Variants in EFCAB5 observed in about 807,000 individuals in gnomAD.
EFCAB5 encodes EF-hand calcium-binding domain-containing protein 5.
In EFCAB5, 131 loss-of-function variants were observed where a neutral mutation model predicts 167.9. The observed-to-expected ratio is 0.78, with a 90% confidence interval of 0.68 to 0.90. The LOEUF (loss-of-function observed/expected upper bound fraction) is 0.90, where lower values mean the gene tolerates loss of function less well. Ranked by LOEUF, EFCAB5 falls within the 40% of genes least tolerant of loss-of-function variation. The probability of loss-of-function intolerance (pLI) is 0.00; values close to 1 mark genes in which losing one functional copy is unlikely to be tolerated. For synonymous variants in EFCAB5, 574 were observed against 602.8 expected (o/e 0.95, Z 0.70); for missense variants, 1,663 against 1,745.2 (o/e 0.95, Z 0.84).
At chr17:29,935,721 A>AC (rs1555546353) in intron 1 of EFCAB5, among the ~76,000 whole-genome samples, 3 of 149,412 alleles carry the variant, frequency 2.0e-5, no homozygotes, top group Admixed American at 6.6e-5. Flanking sequence ...AAAAAAAAAA[A>AC]CAAACAAACA....
chr17:30,044,301 A>T (rs754918461), intron 8 of EFCAB5, among the ~76,000 whole-genome samples: 3 of 152,120 alleles, frequency 2.0e-5, no homozygotes, highest in Non-Finnish European at 4.4e-5. Flanking sequence ...AGACTGGGAG[A>T]GTACAGTGGC....
rs958671911 is a variant in EFCAB5, at chr17:29,981,727, T to G, written c.768-11438T>G. ...TTATTTTATTTTTGCTTTTTGGTTT[T>G]TAGATACATAAGATTATTATGAGAT... On this transcript the variant is annotated intron_variant, in intron 4 of 22. Coordinates refer to ENST00000394835, the MANE Select transcript of EFCAB5 (RefSeq NM_198529.4). 5.3e-5 allele frequency among the ~76,000 whole-genome samples: 8 copies of G among 152,336 alleles called. No individual in the cohort carries two copies. In the East Asian group the frequency reaches 1.3e-3, roughly 26 times the overall value.
intron 22 of EFCAB5, among the ~76,000 whole-genome samples, chr17:30,104,562 A>G (rs913613143): frequency 1.3e-5 from 2 of 148,684 alleles, no homozygotes; most frequent in East Asian, 2.0e-4. Context: ...AAAAAAAAAA[A>G]GCGTTATTTC....
At chr17:30,062,333 G>A (rs765599807) in intron 14 of EFCAB5, among the ~76,000 whole-genome samples, 2 of 152,130 alleles carry the variant, frequency 1.3e-5, no homozygotes, top group Non-Finnish European at 2.9e-5. Context: ...AACAGAAGGC[G>A]ATGCCAGGTC....
chr17:29,958,318 C>T (rs1172991283), intron 3 of EFCAB5, among the ~76,000 whole-genome samples: 2 of 152,070 alleles, frequency 1.3e-5, no homozygotes, highest in Non-Finnish European at 1.5e-5. Flanking sequence ...ATACTGCAGT[C>T]ATGCTTAGTT....
intron 13 of EFCAB5, 86 bp from the exon 14 acceptor site, chr17:30,059,459 T>C (rs2070365183): frequency 7.2e-7 from 1 of 1,387,510 alleles, no homozygotes. Context: ...TAGAAGACGC[T>C]GGACTTTTTT....
intron 4 of EFCAB5, among the ~76,000 whole-genome samples, chr17:29,983,235 G>A (rs1402517750): frequency 2.0e-5 from 3 of 152,198 alleles, no homozygotes; most frequent in Non-Finnish European, 2.9e-5. Flanking sequence ...GTGGTTGGCA[G>A]TCTCTTTGCA....
intron 14 of EFCAB5, 120 bp from the exon 15 acceptor site, chr17:30,078,095 T>C: frequency 1.8e-6 from 2 of 1,085,170 alleles, no homozygotes; most frequent in Non-Finnish European, 2.6e-6. Flanking sequence ...TTTGGTATAC[T>C]TGGTTTTCCA....
At chr17:30,098,418 C>T (rs1211490137) in intron 22 of EFCAB5, among the ~76,000 whole-genome samples, 2 of 151,344 alleles carry the variant, frequency 1.3e-5, no homozygotes, top group Non-Finnish European at 2.9e-5. Flanking sequence ...GTAGTTCCAG[C>T]TAGTCAGGAG....
chr17:30,025,036 A>G (rs1350151386), intron 7 of EFCAB5, among the ~76,000 whole-genome samples: 13 of 152,144 alleles, frequency 8.5e-5, no homozygotes, highest in African/African-American at 3.1e-4. Context: ...AATTAATTCA[A>G]GACGGATTAA....
chr17:30,090,507 A>G lies in EFCAB5; in HGVS notation c.3770A>G (p.Glu1257Gly), dbSNP rs2071174436. The G allele has an allele frequency of 1.2e-6, 2 of 1,614,006 alleles. No individual in the cohort carries two copies. The highest frequency in any genetic ancestry group is 1.3e-5 in the African/African-American group (1 of 75,032). The change falls in exon 20 of 23, where the codon GAG becomes GGG. Residue 1257 changes from glutamate to glycine, a missense_variant. Transcript: ENST00000394835. ...GETHIVVPLR[E>G]RTGEALGVLD... ...ACGCATATAGTAGTTCCACTTCGTG[A>G]GAGAACAGGAGAGGCTCTGGGAGTC... is the stretch of plus-strand genomic sequence containing the variant.
chr17:30,019,532 G>C (rs754004882), intron 7 of EFCAB5, among the ~76,000 whole-genome samples: 1 of 149,194 alleles, frequency 6.7e-6, no homozygotes, highest in Non-Finnish European at 1.5e-5. Flanking sequence ...TGCAACCTCC[G>C]CCTTCCTGGT....
chr17:30,036,626 C>G (rs1264621406), intron 8 of EFCAB5, among the ~76,000 whole-genome samples: 1 of 151,912 alleles, frequency 6.6e-6, no homozygotes, highest in Non-Finnish European at 1.5e-5. Flanking sequence ...CAGAGTCCCA[C>G]TATGTTGCCC....
chr17:30,069,210 A>T (rs2070661639), intron 14 of EFCAB5: 2 of 1,545,936 alleles, frequency 1.3e-6, no homozygotes, highest in African/African-American at 2.7e-5. Context: ...CAAAAGACTG[A>T]AGAAAACCCT....
chr17:30,083,126 A>T, intron 18 of EFCAB5, 83 bp downstream of exon 18: 4 of 1,461,098 alleles, frequency 2.7e-6, no homozygotes, highest in Non-Finnish European at 3.7e-6. Context: ...TGAAAACCAT[A>T]TTAATTAGCT....
chr17:30,069,113 A>G (rs1198924232), intron 14 of EFCAB5: 10 of 1,500,438 alleles, frequency 6.7e-6, no homozygotes, highest in Non-Finnish European at 8.4e-6. Context: ...AGAGTGGTGG[A>G]TAAGAAAAGA....
intron 11 of EFCAB5, 34 bp downstream of exon 11, chr17:30,055,999 C>A (rs2070251658): frequency 6.2e-7 from 1 of 1,613,042 alleles, no homozygotes; most frequent in Non-Finnish European, 8.5e-7. Flanking sequence ...TTCATTTATA[C>A]CCTAGAACAA....
At chr17:30,101,189 A>G (rs1264957555) in intron 22 of EFCAB5, among the ~76,000 whole-genome samples, 2 of 152,224 alleles carry the variant, frequency 1.3e-5, no homozygotes, top group Admixed American at 1.3e-4. Context: ...CAGAGGAACG[A>G]TATGACCTAT....
intron 7 of EFCAB5, among the ~76,000 whole-genome samples, chr17:30,023,711 G>T (rs899501222): frequency 4.2e-4 from 64 of 152,022 alleles, no homozygotes; most frequent in African/African-American, 1.3e-3. Flanking sequence ...TACCAAAGCC[G>T]GGCAGAGACA....
Sources: allele counts gnomAD v4.1 joint callset (sites outside exome capture counted in the v4.1 genomes callset), GRCh38; gene constraint gnomAD v4.1.1; transcripts MANE v1.5; gene names NCBI Gene and HGNC (gene_info 2026-07-23, HGNC 2026-07-21).